Variants in TNIP3 observed in about 807,000 individuals in gnomAD.
TNIP3 encodes TNFAIP3-interacting protein 3.
A neutral mutation model predicts 54.1 loss-of-function variants in TNIP3; 34 were observed. The observed-to-expected ratio is 0.63, with a 90% CI of 0.48 to 0.84. The LOEUF is 0.84. TNIP3 is among the 40% of genes least tolerant of loss of function. TNIP3 has a pLI of 0.00. For missense variants in TNIP3, 366 were observed against 387.6 expected (o/e 0.94, Z 0.47); for synonymous variants, 134 against 136.8 (o/e 0.98, Z 0.14).
intron 7 of TNIP3, among the ~76,000 whole-genome samples, chr4:121,143,498 A>T (rs1729248161): frequency 6.6e-6 from 1 of 152,172 alleles, no homozygotes; most frequent in Non-Finnish European, 1.5e-5. Context: ...CACTTATCAG[A>T]ATTATTCTGT....
chr4:121,132,213 AACACACACAC>A lies in TNIP3; in HGVS notation c.*408_*417del, dbSNP rs10561132. On this transcript the variant is annotated 3_prime_UTR_variant, in exon 11 of 11. Coordinates refer to ENST00000057513, the MANE Select transcript of TNIP3 (RefSeq NM_024873.6). ...AACTGCAGAAATTTTTACCCCAGGA[AACACACACAC>A]ACACACACACACACACACACACACA... 2,366 of 146,958 alleles carry A rather than the reference AACACACACAC, an allele frequency of 0.016. 22 individuals carry two copies. Among genetic ancestry groups the A allele is most frequent in the South Asian group, 0.05 (223 of 4,466 alleles). 9.1% of individuals were successfully genotyped at this position (146,958 alleles called of 1,614,324 possible).
intron 3 of TNIP3, among the ~76,000 whole-genome samples, chr4:121,181,116 A>G (rs1443290676): frequency 6.6e-6 from 1 of 152,226 alleles, no homozygotes; most frequent in Non-Finnish European, 1.5e-5. Context: ...GAGGAAGGTA[A>G]TAAGGATGTA....
At chr4:121,145,815 T>C (rs909926701) in intron 7 of TNIP3, among the ~76,000 whole-genome samples, 2 of 151,688 alleles carry the variant, frequency 1.3e-5, no homozygotes, top group African/African-American at 2.4e-5. Flanking sequence ...ATTAGAGTAG[T>C]TGGGCATGTA....
chr4:121,148,044 A>AT (rs1560643819), intron 6 of TNIP3, among the ~76,000 whole-genome samples: 1 of 152,160 alleles, frequency 6.6e-6, no homozygotes, highest in South Asian at 2.1e-4. Flanking sequence ...CATTTTGATG[A>AT]TTTTTTTGGT....
chr4:121,146,470 C>A (rs1024936991), intron 7 of TNIP3, among the ~76,000 whole-genome samples: 2 of 152,150 alleles, frequency 1.3e-5, no homozygotes, highest in African/African-American at 4.8e-5. Flanking sequence ...CCCATCGTGG[C>A]AACTTCCTGA....
Position 121,147,064 on chromosome 4 carries a change from G to A in TNIP3, c.720C>T (p.Asn240=), listed in dbSNP as rs1411815200. ...TGACTTGTACCTGGGAATTCAGCCT[G>A]TTCAACTGGGATTGGGAAGTTTCAT... ...QINETSQSQL[N]RLNSQIKACQ... Residue 240 remains asparagine, a synonymous_variant, in exon 7 of 11, where the codon AAC becomes AAT. Coordinates refer to ENST00000057513, the MANE Select transcript of TNIP3 (RefSeq NM_024873.6). The A allele has an allele frequency of 1.9e-6, 3 of 1,612,376 alleles. No homozygotes were observed. The African/African-American group carries it at 4.0e-5, about 22-fold the overall frequency.
Position 121,154,675 on chromosome 4 carries a change from T to C in TNIP3, c.368A>G (p.Glu123Gly), listed in dbSNP as rs761927698. ...TAATTCTTCATTTAGGCGTTCCTTT[T>C]CCTTCTGAAGTTAAGACCAAGAAAA... is the stretch of plus-strand genomic sequence containing the variant. Reference protein sequence around the residue: ...TRDRLQREEKEKERLNEELHE... With the variant: ...TRDRLQREEKGKERLNEELHE... Residue 123 changes from glutamate to glycine, a missense_variant, in exon 5 of 11, where the codon GAA (glutamate) becomes GGA (glycine). Coordinates refer to ENST00000057513, the MANE Select transcript of TNIP3 (RefSeq NM_024873.6). 6.2e-6 allele frequency: 10 copies of C among 1,606,028 alleles called. No homozygotes were observed. In the African/African-American group the frequency reaches 1.3e-4, roughly 22 times the overall value.
intron 3 of TNIP3, among the ~76,000 whole-genome samples, chr4:121,176,427 A>C (rs1163053043): frequency 6.6e-6 from 1 of 152,140 alleles, no homozygotes; most frequent in East Asian, 1.9e-4. Context: ...CTTTGAAATT[A>C]GATAATGAGA....
chr4:121,150,094 G>C lies in TNIP3; in HGVS notation c.609+9C>G, dbSNP rs1560645883. On this transcript the variant is annotated intron_variant, in intron 6 of 10. Transcript: ENST00000057513. ...TCTCCACAGGATCATGCCACTTCCA[G>C]CTTCTCACCTGCTGCTTCAGAACTT... 2 of 1,592,136 alleles carry C rather than the reference G, an allele frequency of 1.3e-6. No individual in the cohort carries two copies. Among genetic ancestry groups the C allele is most frequent in the Non-Finnish European group, 1.7e-6 (2 of 1,160,892 alleles).
chr4:121,183,024 G>A (rs192828392), intron 2 of TNIP3, among the ~76,000 whole-genome samples: 47 of 152,280 alleles, frequency 3.1e-4, no homozygotes, highest in African/African-American at 1.1e-3. Flanking sequence ...GACAAGTTTA[G>A]GAATTTTCAG....
chr4:121,208,592 T>G (rs1305405270), intron 2 of TNIP3, among the ~76,000 whole-genome samples: 1 of 152,212 alleles, frequency 6.6e-6, no homozygotes, highest in East Asian at 1.9e-4. Flanking sequence ...GGTCTCTCAT[T>G]CAGCTGGCTA....
chr4:121,202,710 A>G, intron 2 of TNIP3, among the ~76,000 whole-genome samples: 1 of 152,182 alleles, frequency 6.6e-6, no homozygotes, highest in East Asian at 1.9e-4. Flanking sequence ...AGAATCTACA[A>G]GGAACTCAAA....
chr4:121,161,127 C>A lies in TNIP3; in HGVS notation c.147+9G>T. 1 of 1,566,270 alleles carries A rather than the reference C, an allele frequency of 6.4e-7. No homozygotes were observed. Among genetic ancestry groups the A allele is most frequent in the East Asian group, 2.3e-5 (1 of 43,560 alleles). ...GCACCTGTGGCTTTAGCGAATATTT[C>A]TAAGTTACCTCTTTTCTTTGTTTTT... On this transcript the variant is annotated intron_variant, in intron 2 of 10. Transcript: ENST00000057513.
intron 1 of TNIP3, among the ~76,000 whole-genome samples, chr4:121,224,083 T>C (rs1453999322): frequency 2.6e-5 from 4 of 152,138 alleles, no homozygotes; most frequent in African/African-American, 4.8e-5. Flanking sequence ...TAATTAGTGC[T>C]CTCTGCTGAT....
chr4:121,222,757 T>C (rs1319868076), intron 1 of TNIP3, among the ~76,000 whole-genome samples: 1 of 151,892 alleles, frequency 6.6e-6, no homozygotes, highest in Non-Finnish European at 1.5e-5. Flanking sequence ...TTGTTGGTTG[T>C]TCTGCTGAAA....
At chr4:121,185,989 G>A (rs896647957) in intron 2 of TNIP3, among the ~76,000 whole-genome samples, 1 of 152,242 alleles carries the variant, frequency 6.6e-6, no homozygotes, top group Non-Finnish European at 1.5e-5. Context: ...TTTGGACAGA[G>A]TGGTGAAGGA....
chr4:121,137,251 G>A (rs995184301), intron 10 of TNIP3, among the ~76,000 whole-genome samples: 3 of 152,048 alleles, frequency 2.0e-5, no homozygotes, highest in Non-Finnish European at 2.9e-5. Context: ...ATATAAAATG[G>A]AAAATTATAA....
At chr4:121,222,136 A>G (rs1041413125) in intron 1 of TNIP3, among the ~76,000 whole-genome samples, 3 of 152,156 alleles carry the variant, frequency 2.0e-5, no homozygotes, top group Non-Finnish European at 4.4e-5. Flanking sequence ...GATTTTTGCA[A>G]TGTTGCTATA....
intron 2 of TNIP3, among the ~76,000 whole-genome samples, chr4:121,160,644 A>G (rs1403153903): frequency 1.3e-5 from 2 of 152,242 alleles, no homozygotes; most frequent in African/African-American, 4.8e-5. Context: ...ACATTTTAGA[A>G]ACAAACTTTA....
Sources: gnomAD v4.1 joint callset for allele counts (sites outside exome capture counted in the v4.1 genomes callset) on GRCh38, gnomAD v4.1.1 for gene constraint, MANE v1.5 for transcripts, NCBI Gene and HGNC (gene_info 2026-07-23, HGNC 2026-07-21) for gene names.